ABCB7: variants seen among roughly 807,000 people sequenced by gnomAD.
ABCB7 encodes ATP binding cassette subfamily B member 7, also known as iron-sulfur clusters transporter ABCB7, mitochondrial.
ABCB7 carries 7 observed loss-of-function variants against 54.4 expected under a neutral mutation model. That is an observed-to-expected ratio of 0.13 (90% CI 0.07 to 0.24). The LOEUF is 0.24. Ranked by LOEUF, ABCB7 falls within the 10% of genes least tolerant of loss-of-function variation. The pLI is 1.00. For synonymous variants in ABCB7, 218 were observed against 207.1 expected, an observed-to-expected ratio of 1.05 and a Z score of -0.45; for missense variants, 356 against 570.4, an observed-to-expected ratio of 0.62 and a Z score of 3.83.
At chrX:75,087,249 C>A (rs1251754153) in intron 4 of ABCB7, among the ~76,000 whole-genome samples, 4 of 111,611 alleles carry the variant, frequency 3.6e-5, no homozygotes, top group Non-Finnish European at 7.5e-5. Context: ...CAAGAACCCT[C>A]CCAGGCTGAG....
intron 11 of ABCB7, 36 bp downstream of exon 11, chrX:75,069,255 A>G (rs779974712): frequency 8.3e-7 from 1 of 1,203,408 alleles, no homozygotes; most frequent in South Asian, 1.8e-5. Flanking sequence ...TCATCAGCCT[A>G]TAATACAGAA....
At position 75,073,727 on chromosome X, in the gene ABCB7, C is replaced by A; in HGVS notation, c.994G>T (p.Ala332Ser). 8.3e-7 allele frequency: 1 copy of A among 1,205,293 alleles called. No homozygotes were observed. The highest frequency in any genetic ancestry group is 1.1e-6 in the Non-Finnish European group (1 of 889,639). The change falls in exon 8 of 16, where the codon GCT becomes TCT. Residue 332 changes from alanine (A) to serine (S), a missense_variant. Physicochemically the swap from Ala to Ser is moderately conservative, Grantham distance 99. This residue lies in a region of ABCB7 where 241 missense variants were observed against 470.9 expected (regional missense o/e 0.51). Transcript: ENST00000373394. ...TAATTCAGCAGTGAGTCTATAGCAG[C>A]ATTACCTGCATCATTATCTGCTTTG... ...MNKADNDAGN[A>S]AIDSLLNYET...
At chrX:75,125,190 C>T (rs2147542845) in intron 1 of ABCB7, among the ~76,000 whole-genome samples, 1 of 111,209 alleles carries the variant, frequency 9.0e-6, no homozygotes, top group Non-Finnish European at 1.9e-5. Flanking sequence ...AGGTCATATC[C>T]CAAACCCCCT....
At chrX:75,126,879 AG>A (rs2081935194) in intron 1 of ABCB7, among the ~76,000 whole-genome samples, 1 of 111,661 alleles carries the variant, frequency 9.0e-6, no homozygotes, top group South Asian at 3.7e-4. Context: ...ATCCCTGAAT[AG>A]ACCAATAACA....
intron 9 of ABCB7, 123 bp from the exon 10 acceptor site, chrX:75,070,645 C>T: frequency 1.4e-6 from 1 of 702,498 alleles, no homozygotes; most frequent in Non-Finnish European, 2.2e-6. Context: ...ACTCTTATGT[C>T]AACTCAATTT....
At position 75,058,794 on chromosome X, in the gene ABCB7, G is replaced by A. The variant is rs182071595; in HGVS notation, c.2043+1429C>T. ...GGCAGGTAATCACATGCCTGCTAAC[G>A]TATTTTAACAACTTCTATTTGTAAT... On this transcript the variant is annotated intron_variant, in intron 15 of 15. Coordinates refer to ENST00000373394, the MANE Select transcript of ABCB7 (RefSeq NM_001271696.3). Among the ~76,000 whole-genome samples, 48 of 111,378 alleles carry A rather than the reference G, an allele frequency of 4.3e-4. 1 individual carries two copies. In the East Asian group the frequency reaches 0.011, roughly 26 times the overall value.
chrX:75,107,859 C>A (rs1214402174), intron 3 of ABCB7, among the ~76,000 whole-genome samples: 1 of 110,711 alleles, frequency 9.0e-6, no homozygotes, highest in Non-Finnish European at 1.9e-5. Flanking sequence ...TAGGTACCAG[C>A]ACAGCCACAG....
At chrX:75,101,453 C>T (rs981982806) in intron 3 of ABCB7, among the ~76,000 whole-genome samples, 2 of 110,492 alleles carry the variant, frequency 1.8e-5, no homozygotes, top group East Asian at 2.8e-4. Context: ...TGTAAAAACA[C>T]AAGAGTTATC....
chrX:75,063,706 T>C, intron 13 of ABCB7, among the ~76,000 whole-genome samples: 1 of 111,870 alleles, frequency 8.9e-6, no homozygotes. Flanking sequence ...GTTGTAATTC[T>C]ATTCAACGGT....
At chrX:75,055,515 TG>T (rs1482847549) in intron 15 of ABCB7, among the ~76,000 whole-genome samples, 2 of 80,591 alleles carry the variant, frequency 2.5e-5, no homozygotes, top group Non-Finnish European at 4.4e-5. Context: ...GAGACTAGCC[TG>T]GGCAACATGA....
At chrX:75,092,804 T>A (rs754907570) in intron 4 of ABCB7, among the ~76,000 whole-genome samples, 28 of 111,698 alleles carry the variant, frequency 2.5e-4, no homozygotes, top group African/African-American at 9.1e-4. Flanking sequence ...AAAAAGCATA[T>A]GAAAAGATGC....
intron 4 of ABCB7, among the ~76,000 whole-genome samples, chrX:75,082,654 T>C (rs1452448861): frequency 8.9e-6 from 1 of 111,767 alleles, no homozygotes; most frequent in Non-Finnish European, 1.9e-5. Context: ...CGGTTTACAG[T>C]ACATCAAGAT....
At chrX:75,133,869 C>A (rs763781616) in intron 1 of ABCB7, among the ~76,000 whole-genome samples, 1 of 111,913 alleles carries the variant, frequency 8.9e-6, no homozygotes, top group Non-Finnish European at 1.9e-5. Flanking sequence ...TTACCAAAAA[C>A]CACAAAACAC....
At chrX:75,125,292 G>A (rs1236165772) in intron 1 of ABCB7, among the ~76,000 whole-genome samples, 1 of 111,346 alleles carries the variant, frequency 9.0e-6, no homozygotes, top group South Asian at 3.7e-4. Flanking sequence ...AGAAAGTGTA[G>A]GCTAAGAGAA....
At chrX:75,136,544 G>C (rs961864839) in intron 1 of ABCB7, among the ~76,000 whole-genome samples, 1 of 111,138 alleles carries the variant, frequency 9.0e-6, no homozygotes. Context: ...ACAATCCTAA[G>C]CAAAAGCAAA....
chrX:75,063,148 C>T (rs1366220526), intron 13 of ABCB7, among the ~76,000 whole-genome samples: 1 of 111,118 alleles, frequency 9.0e-6, no homozygotes, highest in African/African-American at 3.3e-5. Flanking sequence ...ATGTGTAAGC[C>T]CACATTTATT....
rs892631552 is a variant in ABCB7, at chrX:75,109,161, A to G, written c.333+3725T>C. On this transcript the variant is annotated intron_variant, in intron 3 of 15. Transcript: ENST00000373394. ...ACTTCTCATGAATTGACAGTGCTCAATTTGACAGTGTGATTTGAGGAAGAG... is the reference window on the plus strand; with the variant it reads ...ACTTCTCATGAATTGACAGTGCTCAGTTTGACAGTGTGATTTGAGGAAGAG... Among the ~76,000 whole-genome samples, 8 of 112,134 alleles carry G rather than the reference A, an allele frequency of 7.1e-5. 1 individual carries two copies. The highest frequency in any genetic ancestry group is 3.2e-5 in the African/African-American group (1 of 30,801).
chrX:75,141,416 G>GT (rs760301870), intron 1 of ABCB7, among the ~76,000 whole-genome samples: 2,029 of 109,541 alleles, frequency 0.019, 33 homozygotes, highest in Non-Finnish European at 0.032. Context: ...TCTTGCTTAT[G>GT]TTTTTTTTTA....
At chrX:75,060,475 A>G in intron 14 of ABCB7, 145 bp from the exon 15 acceptor site, 2 of 465,847 alleles carry the variant, frequency 4.3e-6, no homozygotes. Context: ...CTGATACCAA[A>G]TATTAGACCT....
Sources: allele counts gnomAD v4.1 joint callset (sites outside exome capture counted in the v4.1 genomes callset), GRCh38; gene constraint gnomAD v4.1.1; regional missense constraint gnomAD v4.1.1; transcripts MANE v1.5; gene names NCBI Gene and HGNC (gene_info 2026-07-23, HGNC 2026-07-21).